ASPHD2: variants seen among roughly 807,000 people sequenced by gnomAD.
The protein encoded by ASPHD2 is aspartate beta-hydroxylase domain-containing protein 2.
A neutral mutation model predicts 34.6 loss-of-function variants in ASPHD2; 12 were observed. The observed-to-expected ratio is 0.35, with a 90% CI of 0.22 to 0.56. The LOEUF is 0.56. Ranked by LOEUF, ASPHD2 falls within the 20% of genes least tolerant of loss-of-function variation. ASPHD2 has a pLI of 0.87. For missense variants in ASPHD2, 375 were observed against 505.0 expected, an observed-to-expected ratio of 0.74 and a Z score of 2.47; for synonymous variants, 224 against 212.2, an observed-to-expected ratio of 1.06 and a Z score of -0.48.
In ASPHD2 at chr22:26,429,263, T is replaced by G. The variant is rs1302773580; in HGVS notation, c.-448T>G. ...CCAGCGCGCGCGGCATTGTGGGAGT[T>G]GTGGTCTTCGCGGCCCCGCGGAGCG... is the stretch of plus-strand genomic sequence containing the variant. On this transcript the variant is annotated 5_prime_UTR_variant, in exon 1 of 4. Coordinates refer to ENST00000215906, the MANE Select transcript of ASPHD2 (RefSeq NM_020437.5). The surrounding 1 kb of genome is among the most constrained non-coding windows in gnomAD (Gnocchi z 4.5). The G allele has an allele frequency of 6.8e-6, 1 of 147,874 alleles. No homozygotes were observed. Among genetic ancestry groups the G allele is most frequent in the Non-Finnish European group, 1.5e-5 (1 of 66,208 alleles). 9.2% of individuals were successfully genotyped at this position (147,874 alleles called of 1,614,324 possible). A position where few individuals can be genotyped will look rare whatever the true frequency, so the allele number is the denominator to read the frequency against.
At chr22:26,431,184 G>C (rs2084753885) in intron 1 of ASPHD2, among the ~76,000 whole-genome samples, 1 of 152,206 alleles carries the variant, frequency 6.6e-6, no homozygotes, top group East Asian at 1.9e-4. Context: ...GTGTCACATA[G>C]ATGATTGTTT....
At chr22:26,434,592 A>G (rs2084779479) in intron 2 of ASPHD2, 91 bp downstream of exon 2, 1 of 1,412,346 alleles carries the variant, frequency 7.1e-7, no homozygotes, top group Non-Finnish European at 9.5e-7. Context: ...AATGGTCAGA[A>G]TTGCGCCTTT....
chr22:26,442,527 T>A lies in ASPHD2; in HGVS notation c.955T>A (p.Cys319Ser). 6.2e-7 allele frequency: 1 copy of A among 1,612,012 alleles called. No individual in the cohort carries two copies. Among genetic ancestry groups the A allele is most frequent in the Non-Finnish European group, 8.5e-7 (1 of 1,179,020 alleles). ...GCCCCAGTGCTGGGCAGAAGGGCGC[T>A]GCCTTCTCTTTGATGACTCTTTCCT... is the stretch of plus-strand genomic sequence containing the variant. Reference protein sequence around the residue: ...GEPQCWAEGRCLLFDDSFLHA... With the variant: ...GEPQCWAEGRSLLFDDSFLHA... The change falls in exon 3 of 4, where the codon TGC becomes AGC. Residue 319 changes from cysteine to serine, a missense_variant. Coordinates refer to ENST00000215906, the MANE Select transcript of ASPHD2 (RefSeq NM_020437.5).
intron 2 of ASPHD2, among the ~76,000 whole-genome samples, chr22:26,436,015 G>A (rs534593652): frequency 6.6e-6 from 1 of 152,308 alleles, no homozygotes; most frequent in African/African-American, 2.4e-5. Flanking sequence ...TTCCTGGCAC[G>A]TGACAGCATT....
intron 2 of ASPHD2, among the ~76,000 whole-genome samples, chr22:26,438,560 T>C (rs796987794): frequency 0.052 from 6,588 of 127,494 alleles, 851 homozygotes; most frequent in Non-Finnish European, 0.077. Context: ...TACACATACA[T>C]ATATACACAT....
In ASPHD2 at chr22:26,433,070, C is replaced by T. The variant is rs1347829755; in HGVS notation, c.-224-322C>T. 6.6e-6 allele frequency among the ~76,000 whole-genome samples: 1 copy of T among 152,176 alleles called. No homozygotes were observed. The highest frequency in any genetic ancestry group is 1.5e-5 in the Non-Finnish European group (1 of 68,046). ...TTGAAGTCAGATGGGGTTTGAGTCT[C>T]TGCCCTGGCTGTATAACTCTCGTGA... On this transcript the variant is annotated intron_variant, in intron 1 of 3. Coordinates refer to ENST00000215906, the MANE Select transcript of ASPHD2 (RefSeq NM_020437.5). The surrounding 1 kb of genome is among the most constrained non-coding windows in gnomAD (Gnocchi z 5.1).
chr22:26,431,443 CA>C (rs1293877765), intron 1 of ASPHD2, among the ~76,000 whole-genome samples: 2 of 147,650 alleles, frequency 1.4e-5, no homozygotes, highest in African/African-American at 5.0e-5. Flanking sequence ...CAAAAGAAAA[CA>C]AAAAACAACT....
rs888565479 is a variant in ASPHD2 at position 26,443,246 on chromosome 22, C to A, written c.*40C>A. 2.6e-6 allele frequency: 4 copies of A among 1,562,832 alleles called. No homozygotes were observed. The highest frequency in any genetic ancestry group is 1.4e-5 in the African/African-American group (1 of 73,844). On this transcript the variant is annotated 3_prime_UTR_variant, in exon 4 of 4. Coordinates refer to ENST00000215906, the MANE Select transcript of ASPHD2 (RefSeq NM_020437.5). ...CTGGAGTCGGCGAGAAGGGCCGAGGCGGGGCCTGGGCAGACTGTGGTCCGG... is the reference window on the plus strand; with the variant it reads ...CTGGAGTCGGCGAGAAGGGCCGAGGAGGGGCCTGGGCAGACTGTGGTCCGG...
At chr22:26,438,077 C>A (rs533860759) in intron 2 of ASPHD2, among the ~76,000 whole-genome samples, 1 of 152,122 alleles carries the variant, frequency 6.6e-6, no homozygotes, top group Non-Finnish European at 1.5e-5. Flanking sequence ...ATTTTTCTAT[C>A]GCACCGTGGC....
At chr22:26,439,480 T>C (rs577126503) in intron 2 of ASPHD2, among the ~76,000 whole-genome samples, 1 of 152,320 alleles carries the variant, frequency 6.6e-6, no homozygotes, top group South Asian at 2.1e-4. Context: ...ACAACTAGCA[T>C]TTATATCATC....
intron 2 of ASPHD2, among the ~76,000 whole-genome samples, chr22:26,441,613 A>G (rs1388086169): frequency 6.6e-6 from 1 of 151,296 alleles, no homozygotes; most frequent in East Asian, 2.0e-4. Flanking sequence ...AACATGGTGG[A>G]ACCCCATTTC....
intron 1 of ASPHD2, among the ~76,000 whole-genome samples, chr22:26,432,733 T>C (rs1370024064): frequency 6.6e-6 from 1 of 152,174 alleles, no homozygotes; most frequent in African/African-American, 2.4e-5. Context: ...GGTGAGACCA[T>C]AGGTAGTCTC....
chr22:26,433,709 C>G lies in ASPHD2; in HGVS notation c.94C>G (p.Leu32Val), dbSNP rs1174064409. The G allele has an allele frequency of 6.2e-7, 1 of 1,613,950 alleles. No homozygotes were observed. ...KDSPKMSLEW[L>V]VAWSWSLDGL... The stretch of plus-strand genomic sequence containing the variant: ...CTCCCCCAAGATGTCGCTCGAGTGG[C>G]TGGTGGCCTGGAGCTGGTCGCTGGA... The change falls in exon 2 of 4, where the codon CTG becomes GTG. Residue 32 changes from leucine to valine, a missense_variant. This residue lies in a region of ASPHD2 where 223 missense variants were observed against 257.8 expected (regional missense o/e 0.87). Coordinates refer to ENST00000215906, the MANE Select transcript of ASPHD2 (RefSeq NM_020437.5). This position sits in a 1 kb window ranked among gnomAD's most constrained non-coding sequence, Gnocchi z 5.1.
chr22:26,441,938 A>ACAAG (rs76365732), intron 2 of ASPHD2, among the ~76,000 whole-genome samples: 1 of 151,266 alleles, frequency 6.6e-6, no homozygotes, highest in Non-Finnish European at 1.5e-5. Flanking sequence ...AAACAAACAA[A>ACAAG]AAAATTAGCC....
rs2084887678 is a variant in ASPHD2 at position 26,444,237 on chromosome 22, T to C, written c.*1031T>C. 1 of 152,110 alleles carries C rather than the reference T, an allele frequency of 6.6e-6. No individual in the cohort carries two copies. Among genetic ancestry groups the C allele is most frequent in the South Asian group, 2.1e-4 (1 of 4,826 alleles). 9.4% of individuals were successfully genotyped at this position (152,110 alleles called of 1,614,324 possible). A position where few individuals can be genotyped will look rare whatever the true frequency, so the allele number is the denominator to read the frequency against. Reference sequence around the variant, plus strand: ...AGTTCTGTTGCCTATGTTTTTTTTTTTTTCATTTATTTGTCTGTACATAAA... The same window carrying C: ...AGTTCTGTTGCCTATGTTTTTTTTTCTTTCATTTATTTGTCTGTACATAAA... On this transcript the variant is annotated 3_prime_UTR_variant, in exon 4 of 4. Coordinates refer to ENST00000215906, the MANE Select transcript of ASPHD2 (RefSeq NM_020437.5).
rs771629147 is a variant in ASPHD2 at position 26,434,094 on chromosome 22, C to G, written c.479C>G (p.Pro160Arg). The change falls in exon 2 of 4, where the codon CCC (proline) becomes CGC (arginine). Residue 160 changes from proline (P) to arginine (R), a missense_variant. Transcript: ENST00000215906. ...CAGGGCCGGTACCTCAACAGCCGGC[C>G]CTCCATCCAGAAGCCCGAGGTCTTC... ...REQGRYLNSR[P>R]SIQKPEVFFL... 1 of 1,613,022 alleles carries G rather than the reference C, an allele frequency of 6.2e-7. No individual in the cohort carries two copies. The highest frequency in any genetic ancestry group is 1.1e-5 in the South Asian group (1 of 91,076).
At chr22:26,432,559 G>A (rs1360087340) in intron 1 of ASPHD2, among the ~76,000 whole-genome samples, 1 of 152,192 alleles carries the variant, frequency 6.6e-6, no homozygotes, top group African/African-American at 2.4e-5. Context: ...TAGGTTATTA[G>A]GACAATGAGA....
In ASPHD2 at chr22:26,435,259, T is replaced by C. The variant is rs191945109; in HGVS notation, c.886+758T>C. On this transcript the variant is annotated intron_variant, in intron 2 of 3. Transcript: ENST00000215906. ...ATTCTGAGGATCCAATCAGATAATGTGTATTGTATGTATGCACACAGAGCC... is the reference window on the plus strand; with the variant it reads ...ATTCTGAGGATCCAATCAGATAATGCGTATTGTATGTATGCACACAGAGCC... 2.8e-4 allele frequency among the ~76,000 whole-genome samples: 42 copies of C among 152,322 alleles called. No individual in the cohort carries two copies. In the East Asian group the frequency reaches 8.1e-3, roughly 29 times the overall value.
Position 26,443,430 on chromosome 22 carries a change from A to G in ASPHD2, c.*224A>G, listed in dbSNP as rs1384866917. 1.6e-5 allele frequency: 8 copies of G among 486,470 alleles called. No homozygotes were observed. The highest frequency in any genetic ancestry group is 1.2e-4 in the African/African-American group (6 of 50,266). 30.1% of individuals were successfully genotyped at this position (486,470 alleles called of 1,614,324 possible). On this transcript the variant is annotated 3_prime_UTR_variant, in exon 4 of 4. Coordinates refer to ENST00000215906, the MANE Select transcript of ASPHD2 (RefSeq NM_020437.5). ...CTTAGATTTTTTTTTTTTCCTTCCA[A>G]TCATTTGCTTCAGAGACTCCTTTCT...
Sources: gnomAD v4.1 joint callset for allele counts (sites outside exome capture counted in the v4.1 genomes callset) on GRCh38, gnomAD v4.1.1 for gene constraint, gnomAD v4.1.1 regional missense constraint, Gnocchi (gnomAD v3.1) non-coding constraint, MANE v1.5 for transcripts, NCBI Gene and HGNC (gene_info 2026-07-23, HGNC 2026-07-21) for gene names.